YBX2: variants seen among roughly 807,000 people sequenced by gnomAD.
YBX2 encodes Y-box binding protein 2, also known as Y-box-binding protein 2.
A neutral mutation model predicts 44.4 loss-of-function variants in YBX2; 5 were observed. The observed-to-expected ratio is 0.11, with a 90% CI of 0.06 to 0.24. YBX2 has a LOEUF of 0.24. Ranked by LOEUF, YBX2 falls within the 10% of genes least tolerant of loss-of-function variation. YBX2 has a pLI of 1.00. For missense variants in YBX2, 417 were observed against 526.9 expected (o/e 0.79, Z 2.04); for synonymous variants, 188 against 216.1 (o/e 0.87, Z 1.14).
chr17:7,289,477 G>T lies in YBX2; in HGVS notation c.1044+53C>A, dbSNP rs535620344. The T allele has an allele frequency of 3.1e-5, 48 of 1,553,924 alleles. No homozygotes were observed. In the African/African-American group the frequency reaches 5.9e-4, roughly 19 times the overall value. On this transcript the variant is annotated intron_variant, in intron 7 of 8. Transcript: ENST00000007699. The stretch of plus-strand genomic sequence containing the variant: ...AGTAGGAAAGAAAAAGGAGCAGGTG[G>T]GGGAGGGAGCTGGTCTCAGCCTTTT...
intron 1 of YBX2, 40 bp from the exon 2 acceptor site, chr17:7,293,578 G>GA (rs781065091): frequency 1.2e-6 from 2 of 1,613,944 alleles, no homozygotes; most frequent in Non-Finnish European, 1.7e-6. Context: ...GAGATGGGGG[G>GA]AAGAGATGGA....
At position 7,293,447 on chromosome 17, in the gene YBX2, C is replaced by G. The variant is rs376803622; in HGVS notation, c.335+28G>C. The stretch of plus-strand genomic sequence containing the variant: ...CAGGCCAGCTGGGAAGACACCCATT[C>G]CACCCCCGCCCTGGGTTCCTTGGAT... On this transcript the variant is annotated intron_variant, in intron 2 of 8. Transcript: ENST00000007699. 69 of 1,613,796 alleles carry G rather than the reference C, an allele frequency of 4.3e-5. No homozygotes were observed. In the African/African-American group the frequency reaches 8.0e-4, roughly 19 times the overall value.
In YBX2 at chr17:7,291,880, A is replaced by T; in HGVS notation, c.369+146T>A. On this transcript the variant is annotated intron_variant, in intron 3 of 8. Coordinates refer to ENST00000007699, the MANE Select transcript of YBX2 (RefSeq NM_015982.4). This position sits in a 1 kb window ranked among gnomAD's most constrained non-coding sequence, Gnocchi z 5.8. Reference sequence around the variant, plus strand: ...TTAGTAACCCAGCACAAGTGCGGCTAATGGTGGTTGACACAGGCACCCAAG... The same window carrying T: ...TTAGTAACCCAGCACAAGTGCGGCTTATGGTGGTTGACACAGGCACCCAAG... 1 of 981,412 alleles carries T rather than the reference A, an allele frequency of 1.0e-6. No homozygotes were observed. The highest frequency in any genetic ancestry group is 1.4e-5 in the South Asian group (1 of 71,796). 60.8% of individuals were successfully genotyped at this position (981,412 alleles called of 1,614,324 possible).
chr17:7,293,632 G>C lies in YBX2; in HGVS notation c.272-94C>G, dbSNP rs1335163430. 1.9e-6 allele frequency: 3 copies of C among 1,592,040 alleles called. No homozygotes were observed. In the African/African-American group the frequency reaches 4.0e-5, roughly 21 times the overall value. Reference sequence around the variant, plus strand: ...ACACTCCAAAACAAAAAAAAATCTAGCCTACTGCCTTATTACCTATTCAGG... The same window carrying C: ...ACACTCCAAAACAAAAAAAAATCTACCCTACTGCCTTATTACCTATTCAGG... On this transcript the variant is annotated intron_variant, in intron 1 of 8. Coordinates refer to ENST00000007699, the MANE Select transcript of YBX2 (RefSeq NM_015982.4).
In YBX2 at chr17:7,294,183, C is replaced by A; in HGVS notation, c.271+47G>T. 6 of 1,248,878 alleles carry A rather than the reference C, an allele frequency of 4.8e-6. No homozygotes were observed. The highest frequency in any genetic ancestry group is 1.6e-5 in the African/African-American group (1 of 64,362). 77.4% of individuals were successfully genotyped at this position (1,248,878 alleles called of 1,614,324 possible). A position where few individuals can be genotyped will look rare whatever the true frequency, so the allele number is the denominator to read the frequency against. On this transcript the variant is annotated intron_variant, in intron 1 of 8. Transcript: ENST00000007699. This position sits in a 1 kb window ranked among gnomAD's most constrained non-coding sequence, Gnocchi z 4.6. ...GCCGGGCTCCACACTGCCCCTCCCC[C>A]AGCCCGCCGACCCCTCAGAGCCGCC...
chr17:7,289,500 T>C lies in YBX2; in HGVS notation c.1044+30A>G, dbSNP rs764159419. 2.5e-6 allele frequency: 4 copies of C among 1,573,998 alleles called. No homozygotes were observed. In the African/African-American group the frequency reaches 4.1e-5, roughly 16 times the overall value. On this transcript the variant is annotated intron_variant, in intron 7 of 8. Transcript: ENST00000007699. ...TGGGGGAGGGAGCTGGTCTCAGCCT[T>C]TTCTTTCATCCCACATCTGAGGTCC...
At chr17:7,290,121 G>A (rs761010051) in intron 5 of YBX2, 50 bp from the exon 6 acceptor site, 2 of 1,612,504 alleles carry the variant, frequency 1.2e-6, no homozygotes, top group South Asian at 1.1e-5. Context: ...CAGCTGCTCT[G>A]GAGCCAGATT....
Position 7,291,643 on chromosome 17 carries a change from T to A in YBX2, c.369+383A>T, listed in dbSNP as rs1433310799. ...GATTGTGGAGCCCCAGCCCCAGCTC[T>A]GATTGATTCACCAGGTCTGGGGTGG... is the stretch of plus-strand genomic sequence containing the variant. On this transcript the variant is annotated intron_variant, in intron 3 of 8. Transcript: ENST00000007699. The surrounding 1 kb of genome is among the most constrained non-coding windows in gnomAD (Gnocchi z 5.8). 8 of 384,456 alleles carry A rather than the reference T, an allele frequency of 2.1e-5. No homozygotes were observed. The highest frequency in any genetic ancestry group is 4.0e-5 in the Non-Finnish European group (8 of 202,308). 23.8% of individuals were successfully genotyped at this position (384,456 alleles called of 1,614,324 possible). A position where few individuals can be genotyped will look rare whatever the true frequency, so the allele number is the denominator to read the frequency against.
chr17:7,290,907 A>C (rs1470817979), intron 4 of YBX2, among the ~76,000 whole-genome samples, 186 bp downstream of exon 4: 1 of 152,200 alleles, frequency 6.6e-6, no homozygotes, highest in Non-Finnish European at 1.5e-5. Flanking sequence ...CCGACCGATG[A>C]CAGGGACATA....
At position 7,294,292 on chromosome 17, in the gene YBX2, G is replaced by A. The variant is rs1315747537; in HGVS notation, c.209C>T (p.Ala70Val). The change falls in exon 1 of 9, where the codon GCG becomes GTG. Residue 70 changes from alanine to valine, a missense_variant. By Grantham distance (64) the Ala-to-Val change is moderately conservative. Transcript: ENST00000007699. This position sits in a 1 kb window ranked among gnomAD's most constrained non-coding sequence, Gnocchi z 4.6. ...GGCGGGGGTTCCCGAGACCGCCGTC[G>A]CCGGATTGCCAGGGGTGCGGGAGCC... ...APGSRTPGNPATAVSGTPAPP... is the reference protein window; with the variant it reads ...APGSRTPGNPVTAVSGTPAPP... The A allele has an allele frequency of 7.8e-7, 1 of 1,276,284 alleles. No homozygotes were observed. Among genetic ancestry groups the A allele is most frequent in the Non-Finnish European group, 9.8e-7 (1 of 1,017,492 alleles). The allele number at this position is 1,276,284 out of a possible 1,614,324, so 79.1% of individuals were successfully genotyped here.
chr17:7,291,942 T>C lies in YBX2; in HGVS notation c.369+84A>G. 3.2e-6 allele frequency: 5 copies of C among 1,552,802 alleles called. No homozygotes were observed. The South Asian group carries it at 5.6e-5, about 17-fold the overall frequency. ...GTTGTGAAGAAGAGCCAGAGAAACA[T>C]GGCGGAGCGCACTGCTAAGGATTAC... On this transcript the variant is annotated intron_variant, in intron 3 of 8. Transcript: ENST00000007699. This position sits in a 1 kb window ranked among gnomAD's most constrained non-coding sequence, Gnocchi z 5.8.
At position 7,291,009 on chromosome 17, in the gene YBX2, C is replaced by G. The variant is rs1454466470; in HGVS notation, c.459+84G>C. 7.2e-7 allele frequency: 1 copy of G among 1,388,002 alleles called. No individual in the cohort carries two copies. Among genetic ancestry groups the G allele is most frequent in the East Asian group, 2.3e-5 (1 of 43,750 alleles). The allele number at this position is 1,388,002 out of a possible 1,614,324, so 86.0% of individuals were successfully genotyped here. On this transcript the variant is annotated intron_variant, in intron 4 of 8. Transcript: ENST00000007699. The surrounding 1 kb of genome is among the most constrained non-coding windows in gnomAD (Gnocchi z 5.8). The stretch of plus-strand genomic sequence containing the variant: ...CCCGCAGAACGGGTCAGAGCTGGCC[C>G]CAGGAGGGTCTTAGCCTGTGATGAC...
Position 7,289,572 on chromosome 17 carries a change from G to A in YBX2, c.1002C>T (p.Gly334=). 1 of 1,610,592 alleles carries A rather than the reference G, an allele frequency of 6.2e-7. No homozygotes were observed. The highest frequency in any genetic ancestry group is 1.1e-5 in the South Asian group (1 of 90,864). ...GCCGGGGGCCAGGGGCCTGCTGGGG[G>A]CCAGGGGCCTGCTGCCGTCTCCGCT... ...YFQRRRQQAP[G]PQQAPGPRQP... Residue 334 remains glycine, a synonymous_variant, in exon 7 of 9, where the codon GGC becomes GGT. Transcript: ENST00000007699.
In YBX2 at chr17:7,293,321, A is replaced by T. The variant is rs932879640; in HGVS notation, c.335+154T>A. On this transcript the variant is annotated intron_variant, in intron 2 of 8. Transcript: ENST00000007699. ...GAGGCTTCCTCTTGTCACGAAGCAC[A>T]CATTTGTGCTGCGGTTAAAGGCTTT... 2.3e-5 allele frequency: 31 copies of T among 1,368,448 alleles called. 1 individual carries two copies. The highest frequency in any genetic ancestry group is 3.0e-5 in the Non-Finnish European group (30 of 987,130). The allele number at this position is 1,368,448 out of a possible 1,614,324, so 84.8% of individuals were successfully genotyped here. A position where few individuals can be genotyped will look rare whatever the true frequency, so the allele number is the denominator to read the frequency against.
chr17:7,294,429 C>T lies in YBX2; in HGVS notation c.72G>A (p.Gly24=). ...GCACCGGTACCACCACCGCTACCAC[C>T]CCTGCCGCCGTCGCGGGCACCGTCG... The part of the protein sequence containing the change: ...PAATVPATAA[G]VVAVVVPVPA... Residue 24 remains glycine (G), a synonymous_variant, in exon 1 of 9, where the codon GGG becomes GGA. Transcript: ENST00000007699. This position sits in a 1 kb window ranked among gnomAD's most constrained non-coding sequence, Gnocchi z 4.6. 1 of 1,473,100 alleles carries T rather than the reference C, an allele frequency of 6.8e-7. No homozygotes were observed. The highest frequency in any genetic ancestry group is 9.0e-7 in the Non-Finnish European group (1 of 1,115,396). The allele number at this position is 1,473,100 out of a possible 1,614,324, so 91.3% of individuals were successfully genotyped here.
At chr17:7,289,472 A>G (rs2143005463) in intron 7 of YBX2, 58 bp downstream of exon 7, 1 of 1,550,644 alleles carries the variant, frequency 6.4e-7, no homozygotes. Flanking sequence ...AAAAAGGAGC[A>G]GGTGGGGGAG....
intron 5 of YBX2, 23 bp from the exon 6 acceptor site, chr17:7,290,094 G>T (rs1210101408): frequency 1.2e-6 from 2 of 1,613,442 alleles, no homozygotes; most frequent in African/African-American, 2.7e-5. Context: ...AAAGGCCCCG[G>T]TGAGCTGTGG....
chr17:7,292,910 G>C (rs1312465084), intron 2 of YBX2: 1 of 164,642 alleles, frequency 6.1e-6, no homozygotes, highest in African/African-American at 2.4e-5. Flanking sequence ...CCCACTGGGG[G>C]AGACCTGGCT....
chr17:7,293,906 T>C, intron 1 of YBX2: 3 of 513,806 alleles, frequency 5.8e-6, no homozygotes, highest in Non-Finnish European at 1.0e-5. Flanking sequence ...CCAGTGCACC[T>C]GCTTGCCAGG....
Sources: gnomAD v4.1 joint callset for allele counts (sites outside exome capture counted in the v4.1 genomes callset) on GRCh38, gnomAD v4.1.1 for gene constraint, Gnocchi (gnomAD v3.1) non-coding constraint, MANE v1.5 for transcripts, NCBI Gene and HGNC (gene_info 2026-07-23, HGNC 2026-07-21) for gene names.